Variants in SCFD2 observed in about 807,000 individuals in gnomAD.
The protein encoded by SCFD2 is sec1 family domain-containing protein 2.
In SCFD2, 54 loss-of-function variants were observed where a neutral mutation model predicts 58.9. The observed-to-expected ratio is 0.92, with a 90% CI of 0.74 to 1.15. The LOEUF is 1.15. Among genes scored for constraint, SCFD2 ranks in the 50% most tolerant of loss-of-function variants. The probability of loss-of-function intolerance (pLI) is 0.00; values close to 1 mark genes in which losing one functional copy is unlikely to be tolerated. For missense variants in SCFD2, 805 were observed against 836.6 expected, an observed-to-expected ratio of 0.96 and a Z score of 0.47; for synonymous variants, 321 against 335.9, an observed-to-expected ratio of 0.96 and a Z score of 0.49.
chr4:53,118,952 G>A lies in SCFD2; in HGVS notation c.1561+26381C>T, dbSNP rs1162292393. 2.0e-5 allele frequency among the ~76,000 whole-genome samples: 3 copies of A among 152,130 alleles called. No homozygotes were observed. The South Asian group carries it at 6.2e-4, about 32-fold the overall frequency. On this transcript the variant is annotated intron_variant, in intron 5 of 8. Transcript: ENST00000401642. ...TGATAGAATTCACTGTTACTTAGTA[G>A]AGACTTGAAATGCATTTTTAAGTAA...
At chr4:52,929,432 A>G (rs1719938543) in intron 5 of SCFD2, among the ~76,000 whole-genome samples, 1 of 152,198 alleles carries the variant, frequency 6.6e-6, no homozygotes, top group Admixed American at 6.5e-5. Context: ...AGAGGAAAAA[A>G]TGTCAGCTGA....
intron 4 of SCFD2, among the ~76,000 whole-genome samples, chr4:53,152,776 G>T (rs1419376490): frequency 6.6e-6 from 1 of 152,128 alleles, no homozygotes; most frequent in African/African-American, 2.4e-5. Context: ...TTACTTCCAA[G>T]ATACAATGGT....
At chr4:53,269,395 G>A (rs537926898) in intron 4 of SCFD2, among the ~76,000 whole-genome samples, 18 of 152,240 alleles carry the variant, frequency 1.2e-4, no homozygotes, top group African/African-American at 4.3e-4. Flanking sequence ...GATAAAGACA[G>A]TGATAGAGAT....
intron 4 of SCFD2, among the ~76,000 whole-genome samples, chr4:53,242,352 C>G (rs995483701): frequency 6.6e-6 from 1 of 152,172 alleles, no homozygotes. Context: ...AACACACAAG[C>G]TTGGACTCCT....
intron 5 of SCFD2, among the ~76,000 whole-genome samples, chr4:53,029,107 G>A (rs1722552627): frequency 6.6e-6 from 1 of 152,110 alleles, no homozygotes; most frequent in Non-Finnish European, 1.5e-5. Flanking sequence ...CAAATATCGA[G>A]CTGTAAAATT....
intron 5 of SCFD2, among the ~76,000 whole-genome samples, chr4:53,041,077 C>T (rs1207291288): frequency 3.3e-5 from 5 of 152,132 alleles, no homozygotes; most frequent in African/African-American, 1.2e-4. Flanking sequence ...TTATGTGATC[C>T]TTAAGCAGCA....
intron 4 of SCFD2, among the ~76,000 whole-genome samples, chr4:53,185,222 A>C (rs925688539): frequency 2.0e-5 from 3 of 152,104 alleles, no homozygotes; most frequent in African/African-American, 7.2e-5. Flanking sequence ...TAGCAACCAT[A>C]ATCACAAAAC....
intron 5 of SCFD2, among the ~76,000 whole-genome samples, chr4:53,080,248 G>A (rs1724102450): frequency 6.6e-6 from 1 of 152,112 alleles, no homozygotes; most frequent in Non-Finnish European, 1.5e-5. Context: ...GTGTTTAGGG[G>A]TAAAATGAAC....
At chr4:53,174,678 C>T (rs1364958082) in intron 4 of SCFD2, among the ~76,000 whole-genome samples, 1 of 152,114 alleles carries the variant, frequency 6.6e-6, no homozygotes, top group Non-Finnish European at 1.5e-5. Flanking sequence ...TGGAAAGAGA[C>T]TTACATTAAT....
intron 3 of SCFD2, among the ~76,000 whole-genome samples, chr4:53,296,553 G>A (rs964939789): frequency 3.1e-4 from 47 of 152,028 alleles, no homozygotes; most frequent in Admixed American, 5.9e-4. Flanking sequence ...TCTGCCTAGC[G>A]GTCTATCTAT....
chr4:53,145,685 A>G, intron 4 of SCFD2, 103 bp from the exon 5 acceptor site: 3 of 1,009,936 alleles, frequency 3.0e-6, no homozygotes, highest in Non-Finnish European at 4.4e-6. Flanking sequence ...TGTATATGAT[A>G]TTTACTGACT....
chr4:52,969,393 G>A (rs1299090930), intron 5 of SCFD2, among the ~76,000 whole-genome samples: 1 of 152,120 alleles, frequency 6.6e-6, no homozygotes, highest in Non-Finnish European at 1.5e-5. Context: ...AATATCCATT[G>A]GTAGGAAAAT....
chr4:53,258,120 T>C (rs1291945803), intron 4 of SCFD2, among the ~76,000 whole-genome samples: 1 of 152,224 alleles, frequency 6.6e-6, no homozygotes, highest in African/African-American at 2.4e-5. Context: ...ATCCAGCCCA[T>C]CTTCCTGACT....
At chr4:53,183,907 A>T (rs1005959539) in intron 4 of SCFD2, among the ~76,000 whole-genome samples, 1 of 152,142 alleles carries the variant, frequency 6.6e-6, no homozygotes. Context: ...CTGCATAACA[A>T]TGACACACAG....
chr4:53,155,160 A>G (rs1435358653), intron 4 of SCFD2, among the ~76,000 whole-genome samples: 3 of 152,234 alleles, frequency 2.0e-5, no homozygotes, highest in Admixed American at 1.3e-4. Flanking sequence ...GCATCAGGGC[A>G]CACAACTCAG....
intron 7 of SCFD2, among the ~76,000 whole-genome samples, chr4:52,903,085 C>T (rs1472647842): frequency 3.9e-5 from 6 of 152,170 alleles, no homozygotes; most frequent in Admixed American, 1.3e-4. Context: ...TTTTTCCTCT[C>T]GATTCCTTGA....
chr4:53,249,124 G>C (rs1730244115), intron 4 of SCFD2, among the ~76,000 whole-genome samples: 1 of 152,228 alleles, frequency 6.6e-6, no homozygotes. Context: ...AGCTGATGGA[G>C]CTGAAAGCCA....
At chr4:53,045,956 G>T (rs1471675276) in intron 5 of SCFD2, among the ~76,000 whole-genome samples, 2 of 152,046 alleles carry the variant, frequency 1.3e-5, no homozygotes, top group Non-Finnish European at 2.9e-5. Context: ...TGTAGAGCTG[G>T]AAAGAGATCA....
At chr4:53,061,796 T>A (rs1366520193) in intron 5 of SCFD2, among the ~76,000 whole-genome samples, 1 of 152,058 alleles carries the variant, frequency 6.6e-6, no homozygotes, top group Non-Finnish European at 1.5e-5. Flanking sequence ...CGGCAATATG[T>A]CCCCCTATTT....
Sources: allele counts gnomAD v4.1 joint callset (sites outside exome capture counted in the v4.1 genomes callset), GRCh38; gene constraint gnomAD v4.1.1; transcripts MANE v1.5; gene names NCBI Gene and HGNC (gene_info 2026-07-23, HGNC 2026-07-21).